Variants in MN1 observed in about 807,000 individuals in gnomAD.
MN1 encodes the protein MN1 proto-oncogene, transcriptional regulator, also known as transcriptional activator MN1.
In MN1, 19 loss-of-function variants were observed where a neutral mutation model predicts 86.9. The observed-to-expected ratio is 0.22, with a 90% CI of 0.15 to 0.32. The LOEUF (loss-of-function observed/expected upper bound fraction) is 0.32. Ranked by LOEUF, MN1 falls within the 10% of genes least tolerant of loss-of-function variation. The probability of loss-of-function intolerance (pLI) is 1.00; values close to 1 mark genes in which losing one functional copy is unlikely to be tolerated. For missense variants in MN1, 1,841 were observed against 1,862.0 expected (o/e 0.99, Z 0.21); for synonymous variants, 928 against 849.6 (o/e 1.09, Z -1.60).
At chr22:27,794,411 A>G (rs1933257881) in intron 1 of MN1, among the ~76,000 whole-genome samples, 1 of 152,220 alleles carries the variant, frequency 6.6e-6, no homozygotes, top group Non-Finnish European at 1.5e-5. Context: ...CACAGAGTAG[A>G]AAACAAAGGA....
chr22:27,771,535 T>G (rs79174459), intron 1 of MN1, among the ~76,000 whole-genome samples: 7,895 of 152,130 alleles, frequency 0.052, 667 homozygotes, highest in African/African-American at 0.18. Context: ...CTTTTTTCAT[T>G]TTTTAATGGT....
intron 1 of MN1, among the ~76,000 whole-genome samples, chr22:27,751,356 C>G (rs1013422076): frequency 2.0e-5 from 3 of 152,270 alleles, no homozygotes; most frequent in Non-Finnish European, 4.4e-5. Context: ...GAAAGTGAGG[C>G]AGGATAAACT....
At chr22:27,786,127 G>A (rs1933129482) in intron 1 of MN1, among the ~76,000 whole-genome samples, 1 of 152,180 alleles carries the variant, frequency 6.6e-6, no homozygotes, top group Admixed American at 6.5e-5. Flanking sequence ...CTCAAAAACT[G>A]TTATGGCCGA....
In MN1 at chr22:27,801,589, C is replaced by G. The variant is rs1301354975; in HGVS notation, c.-1046G>C. On this transcript the variant is annotated 5_prime_UTR_variant, in exon 1 of 2. Coordinates refer to ENST00000302326, the MANE Select transcript of MN1 (RefSeq NM_002430.3). The stretch of plus-strand genomic sequence containing the variant: ...CCGGGCGAGCAGGCTAAGGCGTTCC[C>G]GCTGCGCTCTCAGAGCCCGGAATGG... The G allele has an allele frequency of 6.8e-6, 1 of 146,568 alleles. No individual in the cohort carries two copies. Among genetic ancestry groups the G allele is most frequent in the African/African-American group, 2.7e-5 (1 of 36,946 alleles). The allele number at this position is 146,568 out of a possible 1,614,324, so 9.1% of individuals were successfully genotyped here.
At position 27,749,537 on chromosome 22, in the gene MN1, C is replaced by T. The variant is rs1360736489; in HGVS notation, c.*1378G>A. 3 of 232,082 alleles carry T rather than the reference C, an allele frequency of 1.3e-5. No homozygotes were observed. Among genetic ancestry groups the T allele is most frequent in the Non-Finnish European group, 2.6e-5 (3 of 117,424 alleles). 14.4% of individuals were successfully genotyped at this position (232,082 alleles called of 1,614,324 possible). On this transcript the variant is annotated 3_prime_UTR_variant, in exon 2 of 2. Transcript: ENST00000302326. ...CATCAGCAGCACCCAAAGTTGCCTG[C>T]CCCTGCCAACCACCACTCATCTCTG...
chr22:27,787,135 T>C (rs761967523), intron 1 of MN1, among the ~76,000 whole-genome samples: 3 of 152,230 alleles, frequency 2.0e-5, no homozygotes, highest in Non-Finnish European at 4.4e-5. Context: ...CTGTGTGGTA[T>C]GTGTGCACGT....
At chr22:27,770,874 G>A (rs1177121966) in intron 1 of MN1, among the ~76,000 whole-genome samples, 1 of 151,638 alleles carries the variant, frequency 6.6e-6, no homozygotes, top group East Asian at 1.9e-4. Context: ...GCCTAGGCTG[G>A]TCTTGAACTT....
chr22:27,794,115 A>AT (rs879808900), intron 1 of MN1, among the ~76,000 whole-genome samples: 29 of 151,252 alleles, frequency 1.9e-4, no homozygotes, highest in Admixed American at 1.1e-3. Flanking sequence ...TTTTGCTATG[A>AT]TTTTTTTTTC....
In MN1 at chr22:27,800,408, C is replaced by G. The variant is rs778578591; in HGVS notation, c.136G>C (p.Gly46Arg). 18 of 1,613,946 alleles carry G rather than the reference C, an allele frequency of 1.1e-5. No individual in the cohort carries two copies. The African/African-American group carries it at 2.3e-4, about 20-fold the overall frequency. Residue 46 changes from glycine to arginine, a missense_variant, in exon 1 of 2, where the codon GGC (glycine) becomes CGC (arginine). By Grantham distance (125) the Gly-to-Arg change is moderately radical (BLOSUM62 -2). Transcript: ENST00000302326. The part of the protein sequence containing the change: ...APAFHTGGPP[G>R]PVDPAMSALG... ...GCGCTCATAGCAGGATCCACAGGGC[C>G]AGGGGGCCCCCCAGTGTGGAAAGCC...
chr22:27,748,558 A>G lies in MN1; in HGVS notation c.*2357T>C, dbSNP rs1255198728. On this transcript the variant is annotated 3_prime_UTR_variant, in exon 2 of 2. Transcript: ENST00000302326. ...CAATAACATTTTCGTTTTCTTTCCC[A>G]AAGAGTTTGCTATGCAGTACTGATT... 1 of 205,758 alleles carries G rather than the reference A, an allele frequency of 4.9e-6. No homozygotes were observed. Among genetic ancestry groups the G allele is most frequent in the Non-Finnish European group, 1.0e-5 (1 of 100,432 alleles). The allele number at this position is 205,758 out of a possible 1,614,324, so 12.7% of individuals were successfully genotyped here.
intron 1 of MN1, among the ~76,000 whole-genome samples, chr22:27,783,233 C>T (rs1933078372): frequency 6.6e-6 from 1 of 151,384 alleles, no homozygotes; most frequent in African/African-American, 2.4e-5. Context: ...CTCCAGAGTT[C>T]AAGCAATTCT....
At chr22:27,751,688 G>C (rs1932765983) in intron 1 of MN1, among the ~76,000 whole-genome samples, 1 of 152,184 alleles carries the variant, frequency 6.6e-6, no homozygotes, top group African/African-American at 2.4e-5. Context: ...GAGACTCAGA[G>C]AGGGAAGATG....
chr22:27,799,822 G>A lies in MN1; in HGVS notation c.722C>T (p.Ser241Leu). 1.3e-6 allele frequency: 2 copies of A among 1,597,418 alleles called. No individual in the cohort carries two copies. The highest frequency in any genetic ancestry group is 1.7e-6 in the Non-Finnish European group (2 of 1,170,814). Reference sequence around the variant, plus strand: ...GGGCGAAAACATGTCAAAATGTCCCGAGGGCGCCTCGCCCGGGTAATTGTA... The same window carrying A: ...GGGCGAAAACATGTCAAAATGTCCCAAGGGCGCCTCGCCCGGGTAATTGTA... ...LEYNYPGEAP[S>L]GHFDMFSPSD... The change falls in exon 1 of 2, where the codon TCG becomes TTG. Residue 241 changes from serine to leucine, a missense_variant. Transcript: ENST00000302326.
intron 1 of MN1, among the ~76,000 whole-genome samples, chr22:27,788,469 C>A (rs1010682424): frequency 6.6e-6 from 1 of 152,146 alleles, no homozygotes; most frequent in Non-Finnish European, 1.5e-5. Flanking sequence ...AGGTTTTCTG[C>A]CGACTTCCCC....
intron 1 of MN1, among the ~76,000 whole-genome samples, chr22:27,774,757 G>A (rs1932954962): frequency 6.6e-6 from 1 of 152,182 alleles, no homozygotes; most frequent in Admixed American, 6.5e-5. Flanking sequence ...TCACAGATGA[G>A]GAAACTGAGG....
chr22:27,800,677 C>G lies in MN1; in HGVS notation c.-134G>C, dbSNP rs1263948198. 13 of 1,246,894 alleles carry G rather than the reference C, an allele frequency of 1.0e-5. No individual in the cohort carries two copies. The highest frequency in any genetic ancestry group is 1.5e-5 in the African/African-American group (1 of 67,234). 77.2% of individuals were successfully genotyped at this position (1,246,894 alleles called of 1,614,324 possible). On this transcript the variant is annotated 5_prime_UTR_variant, in exon 1 of 2. Coordinates refer to ENST00000302326, the MANE Select transcript of MN1 (RefSeq NM_002430.3). ...CAGCACCGCGGGGGCTCAGCGCGCACCTCCACCCCGCCTGATGTGAGGGAC... is the reference window on the plus strand; with the variant it reads ...CAGCACCGCGGGGGCTCAGCGCGCAGCTCCACCCCGCCTGATGTGAGGGAC...
intron 1 of MN1, among the ~76,000 whole-genome samples, chr22:27,761,542 C>A (rs765848134): frequency 2.0e-5 from 3 of 152,134 alleles, no homozygotes; most frequent in Non-Finnish European, 4.4e-5. Context: ...CTTCCCTCAC[C>A]ACTGATGTTA....
intron 1 of MN1, among the ~76,000 whole-genome samples, chr22:27,761,355 C>T (rs950772057): frequency 6.6e-6 from 1 of 151,462 alleles, no homozygotes; most frequent in African/African-American, 2.4e-5. Flanking sequence ...TCTCCTTCTC[C>T]CCCTCCCTCT....
rs1023852114 is a variant in MN1, at chr22:27,750,754, A to G, written c.*161T>C. ...TTTAAATTAACCCTTTCCGGTCCAT[A>G]TGCCACTAAGCAGGTACCAACCTAG... On this transcript the variant is annotated 3_prime_UTR_variant, in exon 2 of 2. Transcript: ENST00000302326. 3 of 537,970 alleles carry G rather than the reference A, an allele frequency of 5.6e-6. No individual in the cohort carries two copies. Among genetic ancestry groups the G allele is most frequent in the Admixed American group, 7.7e-5 (2 of 25,830 alleles). The allele number at this position is 537,970 out of a possible 1,614,324, so 33.3% of individuals were successfully genotyped here.
Sources: gnomAD v4.1 joint callset for allele counts (sites outside exome capture counted in the v4.1 genomes callset) on GRCh38, gnomAD v4.1.1 for gene constraint, MANE v1.5 for transcripts, NCBI Gene and HGNC (gene_info 2026-07-23, HGNC 2026-07-21) for gene names.